The following ANKS1B variants were observed in gnomAD, a reference collection of about 807,000 sequenced individuals.
The protein encoded by ANKS1B is ankyrin repeat and sterile alpha motif domain-containing protein 1B.
Under a neutral mutation model 148.3 loss-of-function variants are expected in ANKS1B, and 36 were observed. That is an observed-to-expected ratio of 0.24 (90% CI 0.19 to 0.32). The LOEUF (loss-of-function observed/expected upper bound fraction) is 0.32. Among genes scored for constraint, ANKS1B ranks in the 10% least tolerant of loss-of-function variants. The pLI, the probability that ANKS1B is intolerant of heterozygous loss-of-function variation, is 1.00. For synonymous variants in ANKS1B, 542 were observed against 560.8 expected (o/e 0.97, Z 0.47); for missense variants, 1,157 against 1,542.6 (o/e 0.75, Z 4.19).
At chr12:99,573,270 T>C (rs2097480841) in intron 9 of ANKS1B, among the ~76,000 whole-genome samples, 2 of 152,128 alleles carry the variant, frequency 1.3e-5, no homozygotes, top group Non-Finnish European at 1.5e-5. Flanking sequence ...ACCTTTCTAT[T>C]CCTGGAGTAG....
At chr12:99,031,008 A>C (rs2099951774) in intron 17 of ANKS1B, among the ~76,000 whole-genome samples, 1 of 152,236 alleles carries the variant, frequency 6.6e-6, no homozygotes, top group Non-Finnish European at 1.5e-5. Flanking sequence ...AAGATGGAAC[A>C]AAATTGGTCA....
intron 8 of ANKS1B, among the ~76,000 whole-genome samples, chr12:99,756,718 C>T (rs1040074288): frequency 6.6e-6 from 1 of 152,020 alleles, no homozygotes; most frequent in African/African-American, 2.4e-5. Flanking sequence ...AGTACTGGTA[C>T]AGAAACAGAT....
At chr12:99,192,165 T>C (rs955337794) in intron 14 of ANKS1B, among the ~76,000 whole-genome samples, 1 of 145,022 alleles carries the variant, frequency 6.9e-6, no homozygotes, top group African/African-American at 2.6e-5. Context: ...AAGTCACATA[T>C]TGTGATCATA....
intron 3 of ANKS1B, among the ~76,000 whole-genome samples, chr12:99,808,912 A>C (rs976715485): frequency 3.3e-5 from 5 of 152,108 alleles, no homozygotes; most frequent in African/African-American, 1.2e-4. Context: ...TCAGATCTCA[A>C]GGGAAAATAT....
chr12:99,728,111 A>G (rs1022612005), intron 8 of ANKS1B, among the ~76,000 whole-genome samples: 3 of 152,164 alleles, frequency 2.0e-5, no homozygotes, highest in Non-Finnish European at 2.9e-5. Flanking sequence ...AGCAATTCCA[A>G]CAAAAGCCAA....
intron 10 of ANKS1B, among the ~76,000 whole-genome samples, chr12:99,456,547 A>C (rs997698378): frequency 2.0e-5 from 3 of 152,162 alleles, no homozygotes; most frequent in African/African-American, 7.2e-5. Context: ...TGAATGGAAA[A>C]ATCTCCAGTG....
intron 1 of ANKS1B, among the ~76,000 whole-genome samples, chr12:99,908,754 G>A (rs1053271368): frequency 2.6e-5 from 4 of 151,986 alleles, no homozygotes; most frequent in African/African-American, 7.3e-5. Context: ...AATACTTAAG[G>A]TATACAACAT....
At chr12:99,888,690 A>G (rs2092946896) in intron 1 of ANKS1B, among the ~76,000 whole-genome samples, 1 of 152,168 alleles carries the variant, frequency 6.6e-6, no homozygotes, top group South Asian at 2.1e-4. Context: ...ACTACATCAG[A>G]GTCCCCTGAT....
intron 1 of ANKS1B, among the ~76,000 whole-genome samples, chr12:99,865,740 G>A (rs2090657821): frequency 6.6e-6 from 1 of 152,176 alleles, no homozygotes; most frequent in South Asian, 2.1e-4. Flanking sequence ...GAAATATTTA[G>A]TTGGTCTTTA....
chr12:98,769,540 T>A lies in ANKS1B; in HGVS notation c.3579+3502A>T, dbSNP rs183683688. ...ATGAAAAGATAAATGTTAAGGCAAT[T>A]CTCTACATGTTTTTCTAAGTGTATC... is the stretch of plus-strand genomic sequence containing the variant. On this transcript the variant is annotated intron_variant, in intron 25 of 26. Coordinates refer to ENST00000683438, the MANE Select transcript of ANKS1B (RefSeq NM_001352186.2). 4.6e-5 allele frequency among the ~76,000 whole-genome samples: 7 copies of A among 152,290 alleles called. No homozygotes were observed. In the East Asian group the frequency reaches 1.2e-3, roughly 25 times the overall value.
intron 1 of ANKS1B, among the ~76,000 whole-genome samples, chr12:99,905,474 T>C (rs1403269504): frequency 6.6e-6 from 1 of 152,174 alleles, no homozygotes; most frequent in African/African-American, 2.4e-5. Flanking sequence ...CCTTCTTCTC[T>C]TCCACACACA....
chr12:98,782,604 A>C (rs1212730790), intron 22 of ANKS1B, among the ~76,000 whole-genome samples: 4 of 152,374 alleles, frequency 2.6e-5, no homozygotes, highest in African/African-American at 9.6e-5. Flanking sequence ...ATGAGACTTC[A>C]ATTGCATCTT....
intron 15 of ANKS1B, among the ~76,000 whole-genome samples, chr12:99,133,990 C>T (rs1021214681): frequency 2.0e-5 from 3 of 152,124 alleles, no homozygotes; most frequent in Admixed American, 6.6e-5. Context: ...AGGTAATATA[C>T]CTCGTAAGTT....
intron 8 of ANKS1B, among the ~76,000 whole-genome samples, chr12:99,692,025 A>T (rs1252553181): frequency 1.3e-5 from 2 of 152,328 alleles, no homozygotes; most frequent in Non-Finnish European, 2.9e-5. Context: ...TTAGGAGATT[A>T]GGTTGGCGAG....
intron 25 of ANKS1B, among the ~76,000 whole-genome samples, chr12:98,766,077 G>T (rs752073271): frequency 1.3e-5 from 2 of 152,210 alleles, no homozygotes; most frequent in Non-Finnish European, 2.9e-5. Context: ...AGAATGTCTG[G>T]TTTCTAACTT....
At chr12:99,340,155 G>C (rs1233702212) in intron 12 of ANKS1B, among the ~76,000 whole-genome samples, 3 of 151,996 alleles carry the variant, frequency 2.0e-5, no homozygotes, top group Non-Finnish European at 4.4e-5. Flanking sequence ...AACTGAAAAA[G>C]GTTCATTAGC....
At chr12:98,918,512 C>A (rs1032134108) in intron 17 of ANKS1B, among the ~76,000 whole-genome samples, 1 of 152,208 alleles carries the variant, frequency 6.6e-6, no homozygotes, top group African/African-American at 2.4e-5. Flanking sequence ...AGATCATTCT[C>A]ATTTTTTCCT....
chr12:99,567,875 T>C (rs934893082), intron 9 of ANKS1B, among the ~76,000 whole-genome samples: 7 of 152,170 alleles, frequency 4.6e-5, no homozygotes, highest in Non-Finnish European at 8.8e-5. Context: ...ATCAACTCAA[T>C]TGAGACTACA....
At chr12:99,922,387 G>T (rs1021644704) in intron 1 of ANKS1B, among the ~76,000 whole-genome samples, 1 of 151,998 alleles carries the variant, frequency 6.6e-6, no homozygotes, top group Non-Finnish European at 1.5e-5. Flanking sequence ...AATAAATATG[G>T]TTTTATAGCA....
Sources: gnomAD v4.1 joint callset for allele counts (sites outside exome capture counted in the v4.1 genomes callset) on GRCh38, gnomAD v4.1.1 for gene constraint, MANE v1.5 for transcripts, NCBI Gene and HGNC (gene_info 2026-07-23, HGNC 2026-07-21) for gene names.